Variants in CEP170 observed in about 807,000 individuals in gnomAD.
CEP170 encodes the protein centrosomal protein of 170 kDa.
In CEP170, 21 loss-of-function variants were observed where a neutral mutation model predicts 151.9. That is an observed-to-expected ratio of 0.14 (90% CI 0.10 to 0.20). The LOEUF (loss-of-function observed/expected upper bound fraction) is 0.20, where lower values mean the gene tolerates loss of function less well. Ranked by LOEUF, CEP170 falls within the 10% of genes least tolerant of loss-of-function variation. CEP170 has a pLI of 1.00. For missense variants in CEP170, 964 were observed against 1,892.9 expected (o/e 0.51, Z 9.11); for synonymous variants, 356 against 648.8 (o/e 0.55, Z 6.86).
chr1:243,237,975 T>C (rs147635877), intron 1 of CEP170, among the ~76,000 whole-genome samples: 1 of 152,334 alleles, frequency 6.6e-6, no homozygotes, highest in African/African-American at 2.4e-5. Context: ...CTATCTTTTG[T>C]CTAAAATTTT....
chr1:243,125,926 G>C lies in CEP170; in HGVS notation c.*523C>G. On this transcript the variant is annotated 3_prime_UTR_variant, in exon 20 of 20. Transcript: ENST00000366542. The stretch of plus-strand genomic sequence containing the variant: ...AATTTTAGGACACAGAGTGACTGTT[G>C]TGAAAGGTCTGCTTTACTGTGGAGA... The C allele has an allele frequency of 3.2e-6, 1 of 317,146 alleles. No homozygotes were observed. Among genetic ancestry groups the C allele is most frequent in the Admixed American group, 4.2e-5 (1 of 24,088 alleles). 19.6% of individuals were successfully genotyped at this position (317,146 alleles called of 1,614,324 possible).
chr1:243,155,268 T>C (rs777687968), intron 14 of CEP170, among the ~76,000 whole-genome samples: 3 of 152,088 alleles, frequency 2.0e-5, no homozygotes, highest in Non-Finnish European at 4.4e-5. Flanking sequence ...AACTAAACAT[T>C]ACATCAAACC....
chr1:243,135,122 A>C (rs1223039585), intron 17 of CEP170, among the ~76,000 whole-genome samples: 1 of 152,216 alleles, frequency 6.6e-6, no homozygotes, highest in Non-Finnish European at 1.5e-5. Context: ...AGAATACATT[A>C]CTTTTAACAT....
intron 4 of CEP170, among the ~76,000 whole-genome samples, chr1:243,207,244 T>C (rs1408829013): frequency 6.6e-6 from 1 of 152,170 alleles, no homozygotes; most frequent in African/African-American, 2.4e-5. Context: ...GGAACAACTA[T>C]AATATTAAGA....
At chr1:243,190,107 C>T (rs1200583639) in intron 8 of CEP170, among the ~76,000 whole-genome samples, 3 of 152,134 alleles carry the variant, frequency 2.0e-5, no homozygotes, top group African/African-American at 7.2e-5. Context: ...ACAGAGAAAT[C>T]GCCCATTGTT....
intron 1 of CEP170, among the ~76,000 whole-genome samples, chr1:243,231,190 C>CAT: frequency 8.0e-6 from 1 of 124,960 alleles, no homozygotes; most frequent in Non-Finnish European, 1.7e-5. Flanking sequence ...TCATCATCAT[C>CAT]ATTATTATTA....
Position 243,221,820 on chromosome 1 carries a change from G to C in CEP170, c.106-7C>G. ...GCTTATCCACACTACGAGACTGAAA[G>C]GAATGTTGTCAGTTAATAAATATAA... On this transcript the variant is annotated splice_polypyrimidine_tract_variant and splice_region_variant and intron_variant, in intron 2 of 19. Transcript: ENST00000366542. 6.2e-7 allele frequency: 1 copy of C among 1,603,606 alleles called. No homozygotes were observed. Among genetic ancestry groups the C allele is most frequent in the South Asian group, 1.1e-5 (1 of 88,536 alleles).
chr1:243,227,051 G>A (rs997298798), intron 1 of CEP170, among the ~76,000 whole-genome samples: 1 of 152,096 alleles, frequency 6.6e-6, no homozygotes, highest in African/African-American at 2.4e-5. Flanking sequence ...ACCACGTATT[G>A]GTCCTTGGGA....
At position 243,242,951 on chromosome 1, in the gene CEP170, C is replaced by T. The variant is rs1464173167; in HGVS notation, c.-42+12089G>A. Among the ~76,000 whole-genome samples, 9 of 152,364 alleles carry T rather than the reference C, an allele frequency of 5.9e-5. No individual in the cohort carries two copies. In the South Asian group the frequency reaches 8.3e-4, roughly 14 times the overall value. ...CCGACCTCCGGTGATTCACCTGCCT[C>T]GGCCTGCCAAAGTGCTAGCTTTACA... On this transcript the variant is annotated intron_variant, in intron 1 of 19. Transcript: ENST00000366542.
At chr1:243,132,743 T>C (rs1242455360) in intron 17 of CEP170, among the ~76,000 whole-genome samples, 1 of 152,194 alleles carries the variant, frequency 6.6e-6, no homozygotes, top group Non-Finnish European at 1.5e-5. Flanking sequence ...GGAAAGCTGC[T>C]CCGTGGTAAG....
rs1213582017 is a variant in CEP170 at position 243,125,538 on chromosome 1, C to G, written c.*911G>C. The G allele has an allele frequency of 1.3e-5, 2 of 152,610 alleles. No homozygotes were observed. Among genetic ancestry groups the G allele is most frequent in the Non-Finnish European group, 2.9e-5 (2 of 68,138 alleles). 9.5% of individuals were successfully genotyped at this position (152,610 alleles called of 1,614,324 possible). On this transcript the variant is annotated 3_prime_UTR_variant, in exon 20 of 20. Transcript: ENST00000366542. ...CAACTGTCACATATAAACTTGGTAA[C>G]ACAGGACCAATATACATGTTCTGAG... is the stretch of plus-strand genomic sequence containing the variant.
chr1:243,237,109 A>G (rs2064324031), intron 1 of CEP170, among the ~76,000 whole-genome samples: 1 of 152,250 alleles, frequency 6.6e-6, no homozygotes, highest in African/African-American at 2.4e-5. Flanking sequence ...TATTTTAAGC[A>G]AGAATGTATT....
intron 13 of CEP170, among the ~76,000 whole-genome samples, chr1:243,159,688 A>T (rs2057879840): frequency 6.6e-6 from 1 of 151,890 alleles, no homozygotes; most frequent in South Asian, 2.1e-4. Flanking sequence ...AGCCAGGTCT[A>T]TGGACTCCCA....
chr1:243,217,482 T>C (rs1461493634), intron 3 of CEP170, among the ~76,000 whole-genome samples: 2 of 152,192 alleles, frequency 1.3e-5, no homozygotes, highest in African/African-American at 4.8e-5. Context: ...CTGTTGTGTG[T>C]TGAACATGTG....
chr1:243,163,039 T>C (rs1394424811), intron 13 of CEP170: 2 of 152,130 alleles, frequency 1.3e-5, no homozygotes, highest in Non-Finnish European at 2.9e-5. Flanking sequence ...ATTTCTACCA[T>C]AGACAGTGAC....
chr1:243,157,068 C>A (rs1446807200), intron 13 of CEP170, among the ~76,000 whole-genome samples: 1 of 152,032 alleles, frequency 6.6e-6, no homozygotes, highest in Non-Finnish European at 1.5e-5. Flanking sequence ...GGTAAAAAAA[C>A]ACAACAAAGC....
chr1:243,139,553 A>G lies in CEP170; in HGVS notation c.4230+384T>C, dbSNP rs1417378320. ...AAGTCCTTAATTTTAATATACTCAA[A>G]TGTCTCAATTTTCTAAGGCCAAAAG... On this transcript the variant is annotated intron_variant, in intron 16 of 19. Coordinates refer to ENST00000366542, the MANE Select transcript of CEP170 (RefSeq NM_014812.3). 6.6e-5 allele frequency among the ~76,000 whole-genome samples: 10 copies of G among 151,344 alleles called. No individual in the cohort carries two copies. In the East Asian group the frequency reaches 1.5e-3, roughly 23 times the overall value.
At chr1:243,199,254 G>A (rs2060864602) in intron 6 of CEP170, 60 bp from the exon 7 acceptor site, 21 of 1,558,230 alleles carry the variant, frequency 1.3e-5, no homozygotes, top group Admixed American at 1.1e-4. Flanking sequence ...ATACACTTTC[G>A]CAGAATGCTA....
chr1:243,163,129 A>C (rs1381650136), intron 13 of CEP170: 1 of 152,226 alleles, frequency 6.6e-6, no homozygotes, highest in Admixed American at 6.5e-5. Context: ...AGAGGAAGAA[A>C]AGTGAAAAAA....
Sources: allele counts gnomAD v4.1 joint callset (sites outside exome capture counted in the v4.1 genomes callset), GRCh38; gene constraint gnomAD v4.1.1; transcripts MANE v1.5; gene names NCBI Gene and HGNC (gene_info 2026-07-23, HGNC 2026-07-21).